GALNTL6: variants seen among roughly 807,000 people sequenced by gnomAD.
GALNTL6 encodes polypeptide N-acetylgalactosaminyltransferase like 6, also known as polypeptide N-acetylgalactosaminyltransferase-like 6.
A neutral mutation model predicts 73.7 loss-of-function variants in GALNTL6; 46 were observed. That is an observed-to-expected ratio of 0.62 (90% CI 0.49 to 0.80). The LOEUF is 0.80. Among genes scored for constraint, GALNTL6 ranks in the 30% least tolerant of loss-of-function variants. The probability of loss-of-function intolerance (pLI) is 0.00; values close to 1 mark genes in which losing one functional copy is unlikely to be tolerated. For synonymous variants in GALNTL6, 259 were observed against 263.7 expected (o/e 0.98, Z 0.17); for missense variants, 604 against 755.0 (o/e 0.80, Z 2.34).
At chr4:172,322,315 C>G (rs72984395) in intron 4 of GALNTL6, among the ~76,000 whole-genome samples, 4,663 of 152,212 alleles carry the variant, frequency 0.031, 223 homozygotes, top group African/African-American at 0.1. Context: ...GTCTTTCACT[C>G]TACACTCTAC....
At chr4:172,862,631 T>C (rs893793041) in intron 7 of GALNTL6, among the ~76,000 whole-genome samples, 6 of 151,608 alleles carry the variant, frequency 4.0e-5, no homozygotes, top group African/African-American at 1.5e-4. Flanking sequence ...ACCCTGGAGG[T>C]GGAGGTTGCG....
rs192231888 is a variant in GALNTL6 at position 172,435,484 on chromosome 4, G to A, written c.553+86795G>A. ...ATCTGTGAGACGTTGATGAGTGGGC[G>A]TTACAGAGAAAATGGGAGAAATCAA... On this transcript the variant is annotated intron_variant, in intron 5 of 12. Coordinates refer to ENST00000506823, the MANE Select transcript of GALNTL6 (RefSeq NM_001034845.3). Among the ~76,000 whole-genome samples the A allele has an allele frequency of 4.6e-5, 7 of 152,206 alleles. No individual in the cohort carries two copies. The East Asian group carries it at 7.7e-4, about 17-fold the overall frequency.
intron 3 of GALNTL6, among the ~76,000 whole-genome samples, chr4:172,256,909 G>C (rs1546332): frequency 0.11 from 16,071 of 151,168 alleles, 1,164 homozygotes; most frequent in Admixed American, 0.21. Flanking sequence ...AAAAACTTAT[G>C]TTCTCATGGT....
intron 3 of GALNTL6, among the ~76,000 whole-genome samples, chr4:172,296,671 G>A (rs1000703106): frequency 3.9e-5 from 6 of 152,064 alleles, no homozygotes; most frequent in African/African-American, 1.4e-4. Flanking sequence ...CTTCATCCAT[G>A]TCCCTACAAA....
Position 172,270,797 on chromosome 4 carries a change from G to T in GALNTL6, c.248-40817G>T, listed in dbSNP as rs1457313908. Among the ~76,000 whole-genome samples the T allele has an allele frequency of 8.2e-5, 12 of 147,168 alleles. No homozygotes were observed. In the Admixed American group the frequency reaches 8.2e-4, roughly 10 times the overall value. On this transcript the variant is annotated intron_variant, in intron 3 of 12. Transcript: ENST00000506823. ...ATCTCTAGATATAGAGCTGTCTATA[G>T]ATATATAAAGGTATTGTTATTTTAA...
intron 8 of GALNTL6, among the ~76,000 whole-genome samples, chr4:172,886,494 G>A (rs1240403763): frequency 2.0e-5 from 3 of 152,018 alleles, no homozygotes; most frequent in Non-Finnish European, 1.5e-5. Context: ...GGCTGGACGC[G>A]GTGGCTCACG....
At chr4:172,643,219 T>A (rs536562893) in intron 5 of GALNTL6, among the ~76,000 whole-genome samples, 1 of 151,962 alleles carries the variant, frequency 6.6e-6, no homozygotes, top group Admixed American at 6.6e-5. Context: ...CAACTGTACG[T>A]CAAAGGCAAA....
chr4:172,105,985 T>C (rs1222841851), intron 2 of GALNTL6, among the ~76,000 whole-genome samples: 1 of 152,182 alleles, frequency 6.6e-6, no homozygotes, highest in African/African-American at 2.4e-5. Flanking sequence ...TGCTGATACT[T>C]TGGAAAAAAT....
At chr4:172,498,936 T>G (rs545561003) in intron 5 of GALNTL6, among the ~76,000 whole-genome samples, 64 of 152,308 alleles carry the variant, frequency 4.2e-4, no homozygotes, top group Non-Finnish European at 7.5e-4. Context: ...AGTAACATAA[T>G]GCACATTTGC....
intron 8 of GALNTL6, among the ~76,000 whole-genome samples, chr4:172,894,797 G>A (rs1013792675): frequency 2.6e-5 from 4 of 151,972 alleles, no homozygotes; most frequent in Non-Finnish European, 5.9e-5. Context: ...TACTATTATT[G>A]TATTGCATTC....
rs908978346 is a variant in GALNTL6 at position 172,311,925 on chromosome 4, C to T, written c.386+173C>T. On this transcript the variant is annotated intron_variant, in intron 4 of 12. Coordinates refer to ENST00000506823, the MANE Select transcript of GALNTL6 (RefSeq NM_001034845.3). ...ATATACTTGACCTAAATTGGAGTAA[C>T]CATTAAAATTTTAAAACAATACTGA... 4.6e-5 allele frequency among the ~76,000 whole-genome samples: 7 copies of T among 151,830 alleles called. No homozygotes were observed. In the South Asian group the frequency reaches 1.0e-3, roughly 23 times the overall value.
intron 5 of GALNTL6, among the ~76,000 whole-genome samples, chr4:172,743,694 C>G (rs1280317901): frequency 6.6e-6 from 1 of 152,028 alleles, no homozygotes; most frequent in Non-Finnish European, 1.5e-5. Context: ...ATCTGTCTAA[C>G]AGAGAACATA....
chr4:172,920,239 A>G (rs931391603), intron 8 of GALNTL6, among the ~76,000 whole-genome samples: 8 of 152,256 alleles, frequency 5.3e-5, no homozygotes, highest in African/African-American at 1.7e-4. Context: ...AAGGGGGATC[A>G]GGACAAGTCA....
intron 5 of GALNTL6, among the ~76,000 whole-genome samples, chr4:172,483,671 C>A (rs1481765440): frequency 6.6e-6 from 1 of 151,986 alleles, no homozygotes; most frequent in Admixed American, 6.6e-5. Flanking sequence ...TTTTTGAAGT[C>A]TTGAGTGAAA....
rs1008962101 is a variant in GALNTL6 at position 172,060,511 on chromosome 4, A to G, written c.139-169145A>G. The stretch of plus-strand genomic sequence containing the variant: ...TTCAGTTGATGATTTATCGTAGTCA[A>G]TGATCCCCTTTATGATCTGAATCTG... On this transcript the variant is annotated intron_variant, in intron 2 of 12. Transcript: ENST00000506823. Among the ~76,000 whole-genome samples, 21 of 152,208 alleles carry G rather than the reference A, an allele frequency of 1.4e-4. 1 individual carries two copies. The highest frequency in any genetic ancestry group is 1.9e-4 in the East Asian group (1 of 5,200).
At chr4:172,060,131 A>T (rs564998451) in intron 2 of GALNTL6, among the ~76,000 whole-genome samples, 43 of 152,304 alleles carry the variant, frequency 2.8e-4, no homozygotes, top group Non-Finnish European at 5.3e-4. Flanking sequence ...GAGAGAAAAA[A>T]TGTGTTACTT....
chr4:172,181,933 G>A (rs896742353), intron 2 of GALNTL6, among the ~76,000 whole-genome samples: 1 of 151,868 alleles, frequency 6.6e-6, no homozygotes, highest in Non-Finnish European at 1.5e-5. Context: ...TAGCCAGGAT[G>A]GTCTCTATCT....
chr4:172,916,805 G>T lies in GALNTL6; in HGVS notation c.1042-14356G>T, dbSNP rs1332076254. 2.0e-5 allele frequency among the ~76,000 whole-genome samples: 3 copies of T among 151,944 alleles called. No individual in the cohort carries two copies. In the South Asian group the frequency reaches 6.2e-4, roughly 31 times the overall value. ...CATGAATAGAAAGAAACAATATCGT[G>T]AAAATGGCCATACTGCCCAAGGTAA... On this transcript the variant is annotated intron_variant, in intron 8 of 12. Transcript: ENST00000506823.
chr4:172,546,894 G>T (rs966817795), intron 5 of GALNTL6, among the ~76,000 whole-genome samples: 1 of 139,490 alleles, frequency 7.2e-6, no homozygotes, highest in Non-Finnish European at 1.6e-5. Flanking sequence ...CAGTTCAGTG[G>T]CATTAAGCAC....
Sources: gnomAD v4.1 joint callset for allele counts (sites outside exome capture counted in the v4.1 genomes callset) on GRCh38, gnomAD v4.1.1 for gene constraint, MANE v1.5 for transcripts, NCBI Gene and HGNC (gene_info 2026-07-23, HGNC 2026-07-21) for gene names.